EGFL6: variants seen among roughly 807,000 people sequenced by gnomAD.
EGFL6 encodes epidermal growth factor-like protein 6.
EGFL6 carries 42 observed loss-of-function variants against 43.1 expected under a neutral mutation model. The ratio of observed to expected loss-of-function variants is 0.98; its 90% CI spans 0.76 to 1.26. The LOEUF (loss-of-function observed/expected upper bound fraction) is 1.26. Ranked by LOEUF, EGFL6 falls within the 50% of genes most tolerant of loss-of-function variation. The probability of loss-of-function intolerance (pLI) is 0.00; values close to 1 mark genes in which losing one functional copy is unlikely to be tolerated. For synonymous variants in EGFL6, 164 were observed against 163.2 expected, an observed-to-expected ratio of 1.01 and a Z score of -0.04; for missense variants, 429 against 427.8, an observed-to-expected ratio of 1.00 and a Z score of -0.02.
chrX:13,584,520 T>C (rs1169158667), intron 1 of EGFL6, among the ~76,000 whole-genome samples: 1 of 111,732 alleles, frequency 8.9e-6, no homozygotes, highest in Non-Finnish European at 1.9e-5. Flanking sequence ...CTCACCCAAA[T>C]ATCCAACTTC....
At chrX:13,610,930 GCT>G (rs1379239021) in intron 7 of EGFL6, among the ~76,000 whole-genome samples, 1 of 111,073 alleles carries the variant, frequency 9.0e-6, no homozygotes, top group Admixed American at 9.6e-5. Flanking sequence ...CTCTAGCAGT[GCT>G]CTCTCTGACA....
chrX:13,618,651 G>A (rs773973405), intron 8 of EGFL6, among the ~76,000 whole-genome samples: 1 of 111,218 alleles, frequency 9.0e-6, no homozygotes, highest in African/African-American at 3.3e-5. Context: ...CCCCAGGAGG[G>A]TTTCCATATT....
intron 1 of EGFL6, among the ~76,000 whole-genome samples, chrX:13,575,938 G>T (rs1276931253): frequency 8.9e-6 from 1 of 112,055 alleles, no homozygotes; most frequent in Non-Finnish European, 1.9e-5. Flanking sequence ...GGGCTGATAT[G>T]GCTGGCTTTC....
intron 1 of EGFL6, among the ~76,000 whole-genome samples, chrX:13,570,292 C>T (rs1052772694): frequency 9.0e-6 from 1 of 111,218 alleles, no homozygotes; most frequent in East Asian, 2.8e-4. Context: ...GGTTGGTATG[C>T]GTGTCGGTGG....
rs752300011 is a variant in EGFL6 at position 13,624,391 on chromosome X, A to G, written c.1285+466A>G. ...AGTAGAGTGGCCCCTCAAAGCATGA[A>G]AACCATAATGAACATCAAGTCAATG... On this transcript the variant is annotated intron_variant, in intron 10 of 11. Transcript: ENST00000361306. Among the ~76,000 whole-genome samples, 11 of 111,723 alleles carry G rather than the reference A, an allele frequency of 9.8e-5. No individual in the cohort carries two copies. The South Asian group carries it at 3.7e-3, about 38-fold the overall frequency.
At chrX:13,577,569 T>C (rs1054898754) in intron 1 of EGFL6, among the ~76,000 whole-genome samples, 11 of 109,480 alleles carry the variant, frequency 1.0e-4, no homozygotes, top group African/African-American at 3.3e-4. Flanking sequence ...ATGACACTTA[T>C]AGTGTTCTTA....
chrX:13,600,774 G>T (rs1602648577), intron 4 of EGFL6, among the ~76,000 whole-genome samples: 1 of 106,378 alleles, frequency 9.4e-6, no homozygotes, highest in Admixed American at 1.0e-4. Context: ...AGCTGGGCAT[G>T]GTAGGGCACC....
rs528698144 is a variant in EGFL6, at chrX:13,629,453, C to T, written c.1551+2177C>T. On this transcript the variant is annotated intron_variant, in intron 11 of 11. Coordinates refer to ENST00000361306, the MANE Select transcript of EGFL6 (RefSeq NM_015507.4). ...AAATGCACATTTCTGTAGACATGCC[C>T]CCAAAGAGCCTGGCCAGCAATCACA... Among the ~76,000 whole-genome samples, 9 of 110,882 alleles carry T rather than the reference C, an allele frequency of 8.1e-5. No homozygotes were observed. The South Asian group carries it at 3.5e-3, about 43-fold the overall frequency.
chrX:13,590,934 C>G (rs374557942), intron 2 of EGFL6, among the ~76,000 whole-genome samples: 4 of 111,767 alleles, frequency 3.6e-5, no homozygotes, highest in African/African-American at 1.3e-4. Flanking sequence ...GCATTGAGAA[C>G]CAGACTGACG....
chrX:13,615,527 T>G (rs1275109833), intron 7 of EGFL6, among the ~76,000 whole-genome samples: 1 of 111,963 alleles, frequency 8.9e-6, no homozygotes, highest in African/African-American at 3.2e-5. Context: ...GGTCTATATA[T>G]GATCACACAT....
chrX:13,610,916 G>C (rs751353472), intron 7 of EGFL6, among the ~76,000 whole-genome samples: 1 of 111,011 alleles, frequency 9.0e-6, no homozygotes, highest in Non-Finnish European at 1.9e-5. Context: ...AGTTGCATGC[G>C]TATCTCTAGC....
rs951877428 is a variant in EGFL6, at chrX:13,590,797, T to C, written c.187+1129T>C. 2.7e-5 allele frequency among the ~76,000 whole-genome samples: 3 copies of C among 112,092 alleles called. No individual in the cohort carries two copies. In the Admixed American group the frequency reaches 2.8e-4, roughly 11 times the overall value. The stretch of plus-strand genomic sequence containing the variant: ...TGACAAGATGACAAGAGCATAAAAA[T>C]ACTAGACAAAAACAAAGATCATCAT... On this transcript the variant is annotated intron_variant, in intron 2 of 11. Coordinates refer to ENST00000361306, the MANE Select transcript of EGFL6 (RefSeq NM_015507.4).
chrX:13,600,812 G>A (rs751938860), intron 4 of EGFL6, among the ~76,000 whole-genome samples: 8 of 107,879 alleles, frequency 7.4e-5, no homozygotes, highest in Admixed American at 2.0e-4. Context: ...AAAAAAAAGC[G>A]GTAAAATAAT....
chrX:13,576,543 G>A (rs1401986948), intron 1 of EGFL6, among the ~76,000 whole-genome samples: 1 of 111,946 alleles, frequency 8.9e-6, no homozygotes, highest in Non-Finnish European at 1.9e-5. Context: ...TGGAAGTGTT[G>A]CACATGGCAC....
intron 2 of EGFL6, among the ~76,000 whole-genome samples, chrX:13,593,288 T>C (rs2045576259): frequency 9.0e-6 from 1 of 111,515 alleles, no homozygotes; most frequent in Non-Finnish European, 1.9e-5. Flanking sequence ...TATTATGACC[T>C]CTGTGCAAGG....
chrX:13,613,381 G>T (rs1243170448), intron 7 of EGFL6, among the ~76,000 whole-genome samples: 1 of 109,874 alleles, frequency 9.1e-6, no homozygotes, highest in Non-Finnish European at 1.9e-5. Context: ...AGATAATTTG[G>T]TCTTGATTTG....
At chrX:13,620,404 A>C (rs745462492) in intron 9 of EGFL6, among the ~76,000 whole-genome samples, 2 of 110,441 alleles carry the variant, frequency 1.8e-5, no homozygotes, top group Admixed American at 9.6e-5. Context: ...ACCACTATAC[A>C]TGTGGTAAGT....
At chrX:13,597,257 G>C (rs1192535714) in intron 3 of EGFL6, among the ~76,000 whole-genome samples, 2 of 111,987 alleles carry the variant, frequency 1.8e-5, no homozygotes, top group Admixed American at 9.4e-5. Flanking sequence ...AGCTGCCCTT[G>C]GAGAATGGAG....
intron 3 of EGFL6, among the ~76,000 whole-genome samples, chrX:13,597,241 C>T (rs1459834556): frequency 8.9e-6 from 1 of 112,048 alleles, no homozygotes; most frequent in Non-Finnish European, 1.9e-5. Flanking sequence ...GCAGTAAATC[C>T]AATTCAGCTG....
Sources: gnomAD v4.1 joint callset for allele counts (sites outside exome capture counted in the v4.1 genomes callset) on GRCh38, gnomAD v4.1.1 for gene constraint, MANE v1.5 for transcripts, NCBI Gene and HGNC (gene_info 2026-07-23, HGNC 2026-07-21) for gene names.